FHIT: variants seen among roughly 807,000 people sequenced by gnomAD.
The protein encoded by FHIT is bis(5'-adenosyl)-triphosphatase.
In FHIT, 19 loss-of-function variants were observed where a neutral mutation model predicts 17.9. The ratio of observed to expected loss-of-function variants is 1.06; its 90% CI spans 0.74 to 1.56. FHIT has a LOEUF of 1.56. FHIT is among the 40% of genes most tolerant of loss of function. The pLI, the probability that FHIT is intolerant of heterozygous loss-of-function variation, is 0.00. For missense variants in FHIT, 248 were observed against 189.2 expected, an observed-to-expected ratio of 1.31 and a Z score of -1.82; for synonymous variants, 81 against 69.7, an observed-to-expected ratio of 1.16 and a Z score of -0.81.
intron 5 of FHIT, among the ~76,000 whole-genome samples, chr3:60,326,794 C>T (rs1709716264): frequency 6.6e-6 from 1 of 152,216 alleles, no homozygotes; most frequent in Admixed American, 6.5e-5. Context: ...CTTTCCTGTG[C>T]TGTGACCCAC....
At chr3:59,808,859 C>T (rs560039403) in intron 8 of FHIT, among the ~76,000 whole-genome samples, 1 of 152,316 alleles carries the variant, frequency 6.6e-6, no homozygotes, top group African/African-American at 2.4e-5. Flanking sequence ...ACACAACACA[C>T]ACTCACACAC....
intron 3 of FHIT, among the ~76,000 whole-genome samples, chr3:61,020,166 C>T (rs1315901630): frequency 2.0e-5 from 3 of 152,170 alleles, no homozygotes; most frequent in Non-Finnish European, 4.4e-5. Context: ...AGTGTAAGAG[C>T]TTTCCTACTT....
chr3:60,790,180 C>A (rs2108117701), intron 4 of FHIT, among the ~76,000 whole-genome samples: 1 of 152,240 alleles, frequency 6.6e-6, no homozygotes, highest in Non-Finnish European at 1.5e-5. Flanking sequence ...ATTTTGTATT[C>A]ATTGTCAGTG....
rs190941572 is a variant in FHIT at position 60,886,630 on chromosome 3, A to G, written c.-110-64619T>C. Among the ~76,000 whole-genome samples, 292 of 152,320 alleles carry G rather than the reference A, an allele frequency of 1.9e-3. 2 individuals carry two copies. The highest frequency in any genetic ancestry group is 5.2e-3 in the Admixed American group (80 of 15,300). ...TTTTAAAGCTGATCTAGAGGTAGAA[A>G]AAAACACATTCTAGAGATTCCTGAA... On this transcript the variant is annotated intron_variant, in intron 3 of 9. Coordinates refer to ENST00000492590, the MANE Select transcript of FHIT (RefSeq NM_002012.4).
intron 3 of FHIT, among the ~76,000 whole-genome samples, chr3:61,012,923 T>G (rs1439002): frequency 0.29 from 43,377 of 151,526 alleles, 7,443 homozygotes; most frequent in African/African-American, 0.48. Context: ...ATATGACTTA[T>G]AGAGAAAGGA....
intron 8 of FHIT, among the ~76,000 whole-genome samples, chr3:59,759,040 A>C (rs916687375): frequency 6.6e-6 from 1 of 152,062 alleles, no homozygotes; most frequent in Admixed American, 6.6e-5. Flanking sequence ...GCAGGCTTTT[A>C]AAGGAAGGCT....
chr3:60,796,908 G>A (rs1553730551), intron 4 of FHIT, among the ~76,000 whole-genome samples: 1 of 152,138 alleles, frequency 6.6e-6, no homozygotes, highest in Non-Finnish European at 1.5e-5. Context: ...CTAATTTATT[G>A]CATTGTAATC....
chr3:60,934,809 G>A (rs1456890859), intron 3 of FHIT, among the ~76,000 whole-genome samples: 4 of 152,122 alleles, frequency 2.6e-5, no homozygotes, highest in Admixed American at 1.3e-4. Context: ...GAATAGTCAA[G>A]TTCCTGAAGA....
intron 5 of FHIT, among the ~76,000 whole-genome samples, chr3:60,205,396 G>A (rs1272424297): frequency 6.6e-6 from 1 of 152,104 alleles, no homozygotes; most frequent in Non-Finnish European, 1.5e-5. Context: ...TATAATCATA[G>A]GTCAGAACGT....
intron 5 of FHIT, among the ~76,000 whole-genome samples, chr3:60,316,135 C>A (rs1709155648): frequency 6.6e-6 from 1 of 152,132 alleles, no homozygotes; most frequent in Non-Finnish European, 1.5e-5. Flanking sequence ...AGAAATGTCA[C>A]TTTTTGCATT....
chr3:60,948,825 G>C (rs182519029), intron 3 of FHIT, among the ~76,000 whole-genome samples: 1 of 152,242 alleles, frequency 6.6e-6, no homozygotes. Flanking sequence ...GCAAATATGA[G>C]CTGCAACCTG....
At chr3:60,766,311 C>T (rs1361068809) in intron 4 of FHIT, among the ~76,000 whole-genome samples, 1 of 152,176 alleles carries the variant, frequency 6.6e-6, no homozygotes, top group Non-Finnish European at 1.5e-5. Context: ...TGGCAGCTGA[C>T]TCAGGAGCAC....
At chr3:61,211,881 AT>A (rs2039489163) in intron 1 of FHIT, among the ~76,000 whole-genome samples, 1 of 152,220 alleles carries the variant, frequency 6.6e-6, no homozygotes, top group African/African-American at 2.4e-5. Flanking sequence ...ACTGCTGCTG[AT>A]ACCCAGGCAA....
rs542420579 is a variant in FHIT at position 59,867,518 on chromosome 3, T to A, written c.348+54828A>T. Among the ~76,000 whole-genome samples, 19 of 152,208 alleles carry A rather than the reference T, an allele frequency of 1.2e-4. 1 individual carries two copies. In the South Asian group the frequency reaches 3.9e-3, roughly 32 times the overall value. ...GATTTTCTCATTCTGATCCTAAATC[T>A]ATCACTGAAATGATGACTTCACTTG... On this transcript the variant is annotated intron_variant, in intron 8 of 9. Coordinates refer to ENST00000492590, the MANE Select transcript of FHIT (RefSeq NM_002012.4).
At chr3:61,046,025 C>T (rs1363639127) in intron 2 of FHIT, among the ~76,000 whole-genome samples, 1 of 151,944 alleles carries the variant, frequency 6.6e-6, no homozygotes, top group East Asian at 1.9e-4. Flanking sequence ...TAAATGCCCA[C>T]AAGAGAAAAC....
At chr3:60,234,151 G>A (rs1704644847) in intron 5 of FHIT, among the ~76,000 whole-genome samples, 1 of 152,112 alleles carries the variant, frequency 6.6e-6, no homozygotes, top group African/African-American at 2.4e-5. Flanking sequence ...TTCCAATGAT[G>A]ACACATTACA....
intron 7 of FHIT, among the ~76,000 whole-genome samples, chr3:59,929,074 C>T (rs796622072): frequency 9.7e-5 from 14 of 143,810 alleles, no homozygotes; most frequent in African/African-American, 3.6e-4. Context: ...AACCCTTGTA[C>T]AAGCTGGTGC....
At chr3:61,080,392 T>C (rs1478664795) in intron 2 of FHIT, among the ~76,000 whole-genome samples, 2 of 152,160 alleles carry the variant, frequency 1.3e-5, no homozygotes, top group African/African-American at 4.8e-5. Flanking sequence ...GAGCATAATG[T>C]AATTCTTTTA....
At chr3:61,204,664 T>C (rs2039151121) in intron 1 of FHIT, among the ~76,000 whole-genome samples, 1 of 152,160 alleles carries the variant, frequency 6.6e-6, no homozygotes. Context: ...CTATGTGTTG[T>C]TTATAAGAAA....
Sources: gnomAD v4.1 joint callset for allele counts (sites outside exome capture counted in the v4.1 genomes callset) on GRCh38, gnomAD v4.1.1 for gene constraint, MANE v1.5 for transcripts, NCBI Gene and HGNC (gene_info 2026-07-23, HGNC 2026-07-21) for gene names.